The following ANTXR1 variants were observed in gnomAD, a reference collection of about 807,000 sequenced individuals.
ANTXR1 encodes ANTXR cell adhesion molecule 1.
Under a neutral mutation model 78.1 loss-of-function variants are expected in ANTXR1, and 19 were observed. That is an observed-to-expected ratio of 0.24 (90% CI 0.17 to 0.36). The LOEUF is 0.36. Ranked by LOEUF, ANTXR1 falls within the 10% of genes least tolerant of loss-of-function variation. ANTXR1 has a pLI of 1.00. For missense variants in ANTXR1, 518 were observed against 718.6 expected, an observed-to-expected ratio of 0.72 and a Z score of 3.19; for synonymous variants, 273 against 260.5, an observed-to-expected ratio of 1.05 and a Z score of -0.46.
intron 17 of ANTXR1, among the ~76,000 whole-genome samples, chr2:69,219,422 C>CACACACACACACACACACACACACACACA (rs58106996): frequency 8.0e-5 from 12 of 150,650 alleles, no homozygotes; most frequent in East Asian, 5.9e-4. Context: ...CACACACACA[C>CACACACACACACACACACACACACACACA]CCTACTGATG....
chr2:69,029,283 A>G (rs60323330), intron 1 of ANTXR1, among the ~76,000 whole-genome samples: 3,660 of 149,500 alleles, frequency 0.024, 138 homozygotes, highest in African/African-American at 0.084. Context: ...TAGATCCAGG[A>G]TATCTAATAT....
intron 17 of ANTXR1, among the ~76,000 whole-genome samples, chr2:69,222,813 C>T (rs1440518792): frequency 6.6e-6 from 1 of 152,250 alleles, no homozygotes; most frequent in African/African-American, 2.4e-5. Flanking sequence ...GAGACTCTGA[C>T]ATTTGTGGTG....
intron 17 of ANTXR1, among the ~76,000 whole-genome samples, chr2:69,239,355 G>A (rs1675844487): frequency 6.6e-6 from 1 of 152,192 alleles, no homozygotes; most frequent in Non-Finnish European, 1.5e-5. Flanking sequence ...GATCACCTGA[G>A]GTCAGGTGTT....
In ANTXR1 at chr2:69,054,450, G is replaced by A. The variant is rs565212182; in HGVS notation, c.296+9637G>A. 5.9e-5 allele frequency among the ~76,000 whole-genome samples: 9 copies of A among 152,232 alleles called. No individual in the cohort carries two copies. The East Asian group carries it at 7.7e-4, about 13-fold the overall frequency. ...TCATCTTCATGGGCTTTTGGAAACC[G>A]GAACTTGGAAATACTCCTCACAAAG... On this transcript the variant is annotated intron_variant, in intron 3 of 17. Transcript: ENST00000303714.
At chr2:69,219,653 AC>A (rs1444863996) in intron 17 of ANTXR1, among the ~76,000 whole-genome samples, 2 of 152,198 alleles carry the variant, frequency 1.3e-5, no homozygotes, top group African/African-American at 4.8e-5. Flanking sequence ...TATAAGCAGT[AC>A]TTATTAAGTG....
At chr2:69,212,989 T>A in intron 17 of ANTXR1, among the ~76,000 whole-genome samples, 1 of 135,700 alleles carries the variant, frequency 7.4e-6, no homozygotes, top group East Asian at 2.1e-4. Context: ...TTTTTTTTGG[T>A]AGAGAGAGGG....
intron 10 of ANTXR1, among the ~76,000 whole-genome samples, chr2:69,110,963 A>G (rs1188180423): frequency 6.6e-6 from 1 of 152,196 alleles, no homozygotes; most frequent in African/African-American, 2.4e-5. Flanking sequence ...CAAAATGTTA[A>G]CAGCCATCAC....
At chr2:69,150,674 C>CTTTT (rs55680731) in intron 12 of ANTXR1, among the ~76,000 whole-genome samples, 1 of 151,434 alleles carries the variant, frequency 6.6e-6, no homozygotes, top group East Asian at 1.9e-4. Flanking sequence ...ATACATAAAT[C>CTTTT]CATTATACCA....
At chr2:69,116,288 CA>C (rs1386655534) in intron 10 of ANTXR1, among the ~76,000 whole-genome samples, 3 of 152,214 alleles carry the variant, frequency 2.0e-5, no homozygotes, top group African/African-American at 7.2e-5. Flanking sequence ...CCCAGTTGGG[CA>C]ATCAGTCATC....
intron 12 of ANTXR1, among the ~76,000 whole-genome samples, chr2:69,134,688 A>T (rs1672860574): frequency 6.6e-6 from 1 of 152,216 alleles, no homozygotes; most frequent in Non-Finnish European, 1.5e-5. Context: ...CATCTTGAAA[A>T]TGAATCTAAG....
At chr2:69,099,883 C>A (rs935553603) in intron 9 of ANTXR1, among the ~76,000 whole-genome samples, 1 of 152,174 alleles carries the variant, frequency 6.6e-6, no homozygotes, top group Non-Finnish European at 1.5e-5. Flanking sequence ...AGGCACAACC[C>A]AGCATTCAGA....
intron 14 of ANTXR1, among the ~76,000 whole-genome samples, chr2:69,177,131 G>A (rs1402065794): frequency 1.3e-5 from 2 of 152,188 alleles, no homozygotes; most frequent in African/African-American, 2.4e-5. Context: ...TTGAGTGAGT[G>A]GAAGGTGGAG....
intron 3 of ANTXR1, among the ~76,000 whole-genome samples, chr2:69,060,149 A>G (rs1419456813): frequency 6.6e-6 from 1 of 152,110 alleles, no homozygotes; most frequent in African/African-American, 2.4e-5. Flanking sequence ...CTGTCTGCCA[A>G]GTGTGGCCTC....
intron 10 of ANTXR1, among the ~76,000 whole-genome samples, chr2:69,105,109 A>T (rs911094126): frequency 1.3e-5 from 2 of 152,130 alleles, no homozygotes; most frequent in East Asian, 1.9e-4. Flanking sequence ...AGAAGATGAA[A>T]TGCAAACTCA....
In ANTXR1 at chr2:69,090,768, A is replaced by G. The variant is rs1457333682; in HGVS notation, c.643-91A>G. ...CAACCAAATGTCCTTGAACCTTCCT[A>G]TCTCTATCTCAGTAGCTAAAAGCAG... is the stretch of plus-strand genomic sequence containing the variant. On this transcript the variant is annotated intron_variant, in intron 8 of 17. Transcript: ENST00000303714. The G allele has an allele frequency of 2.3e-6, 3 of 1,292,822 alleles. No homozygotes were observed. In the South Asian group the frequency reaches 3.6e-5, roughly 16 times the overall value. 80.1% of individuals were successfully genotyped at this position (1,292,822 alleles called of 1,614,324 possible).
At chr2:69,226,844 T>A (rs528864844) in intron 17 of ANTXR1, among the ~76,000 whole-genome samples, 52 of 152,242 alleles carry the variant, frequency 3.4e-4, no homozygotes, top group African/African-American at 1.0e-3. Flanking sequence ...ACATATATAT[T>A]TTTTTTCCTC....
chr2:69,225,217 A>G (rs1675413975), intron 17 of ANTXR1, among the ~76,000 whole-genome samples: 1 of 152,138 alleles, frequency 6.6e-6, no homozygotes, highest in African/African-American at 2.4e-5. Context: ...GCTAACCCAC[A>G]TGTTACTGGA....
chr2:69,184,533 T>C (rs577442781), intron 16 of ANTXR1, among the ~76,000 whole-genome samples: 7 of 152,242 alleles, frequency 4.6e-5, no homozygotes, highest in Non-Finnish European at 1.0e-4. Flanking sequence ...CTGTACCTTG[T>C]GACTAACGCC....
At chr2:69,060,584 A>T (rs1481053110) in intron 3 of ANTXR1, among the ~76,000 whole-genome samples, 2 of 152,216 alleles carry the variant, frequency 1.3e-5, no homozygotes, top group Admixed American at 1.3e-4. Context: ...TGTAATGGAA[A>T]TCATGCCATA....
Sources: allele counts gnomAD v4.1 joint callset (sites outside exome capture counted in the v4.1 genomes callset), GRCh38; gene constraint gnomAD v4.1.1; transcripts MANE v1.5; gene names NCBI Gene and HGNC (gene_info 2026-07-23, HGNC 2026-07-21).